Variants in RNF150 observed in about 807,000 individuals in gnomAD.
RNF150 encodes the protein ring finger protein 150.
Under a neutral mutation model 39.3 loss-of-function variants are expected in RNF150, and 24 were observed. The observed-to-expected ratio is 0.61, with a 90% CI of 0.44 to 0.86. RNF150 has a LOEUF of 0.86. Among genes scored for constraint, RNF150 ranks in the 40% least tolerant of loss-of-function variants. RNF150 has a pLI of 0.00. For synonymous variants in RNF150, 255 were observed against 227.3 expected, an observed-to-expected ratio of 1.12 and a Z score of -1.10; for missense variants, 502 against 587.8, an observed-to-expected ratio of 0.85 and a Z score of 1.51.
At chr4:141,173,653 G>A (rs957062052) in intron 1 of RNF150, among the ~76,000 whole-genome samples, 2 of 152,164 alleles carry the variant, frequency 1.3e-5, no homozygotes, top group Admixed American at 1.3e-4. Flanking sequence ...ATGGCCCCAG[G>A]AGAAGACTGA....
intron 1 of RNF150, among the ~76,000 whole-genome samples, chr4:141,199,916 A>G (rs1728264625): frequency 1.3e-5 from 2 of 152,242 alleles, no homozygotes; most frequent in African/African-American, 4.8e-5. Flanking sequence ...AATGCCCTCA[A>G]TATTTATAGT....
intron 1 of RNF150, among the ~76,000 whole-genome samples, chr4:141,065,292 C>CT (rs1351245961): frequency 6.6e-6 from 1 of 152,126 alleles, no homozygotes; most frequent in East Asian, 1.9e-4. Flanking sequence ...CACAAACATG[C>CT]TATCTGTGCG....
chr4:141,171,468 GA>G, intron 1 of RNF150, among the ~76,000 whole-genome samples: 1 of 139,820 alleles, frequency 7.2e-6, no homozygotes, highest in South Asian at 2.2e-4. Context: ...GAAAGAGAGA[GA>G]GAGAGAGAGA....
chr4:141,036,478 T>A (rs755992124), intron 1 of RNF150, among the ~76,000 whole-genome samples: 1 of 152,132 alleles, frequency 6.6e-6, no homozygotes, highest in Non-Finnish European at 1.5e-5. Flanking sequence ...GTGCAGTAGA[T>A]CTCGAACTTT....
At chr4:140,945,416 A>T (rs1732250101) in intron 4 of RNF150, among the ~76,000 whole-genome samples, 1 of 151,786 alleles carries the variant, frequency 6.6e-6, no homozygotes, top group African/African-American at 2.4e-5. Flanking sequence ...CTCAGCCAAA[A>T]ATGTTCCCAA....
In RNF150 at chr4:141,050,188, C is replaced by T. The variant is rs549963660; in HGVS notation, c.484+82137G>A. On this transcript the variant is annotated intron_variant, in intron 1 of 6. Transcript: ENST00000515673. ...GTTTGAAACAAAAATCAGTAGGGAG[C>T]TTGAAGAAATGAAACTGGTTGTGTG... is the stretch of plus-strand genomic sequence containing the variant. Among the ~76,000 whole-genome samples, 5 of 151,970 alleles carry T rather than the reference C, an allele frequency of 3.3e-5. No homozygotes were observed. The East Asian group carries it at 7.7e-4, about 23-fold the overall frequency.
rs1435291946 is a variant in RNF150 at position 141,051,271 on chromosome 4, G to GA, written c.484+81053dup. 5.3e-5 allele frequency among the ~76,000 whole-genome samples: 8 copies of GA among 152,288 alleles called. No individual in the cohort carries two copies. In the East Asian group the frequency reaches 1.3e-3, roughly 26 times the overall value. ...GGCCTGTGATGTGAGGGGCTGCCATGAAGACCTCTGACATGCCCTGGAGAC... is the reference window on the plus strand; with the variant it reads ...GGCCTGTGATGTGAGGGGCTGCCATGAAAGACCTCTGACATGCCCTGGAGAC... On this transcript the variant is annotated intron_variant, in intron 1 of 6. Transcript: ENST00000515673.
At chr4:140,877,315 GT>G (rs78038613) in intron 6 of RNF150, among the ~76,000 whole-genome samples, 21,449 of 151,562 alleles carry the variant, frequency 0.14, 1,804 homozygotes, top group East Asian at 0.38. Flanking sequence ...GTTGTCAACA[GT>G]TTTTTTTTAC....
At chr4:140,923,522 G>C in intron 5 of RNF150, among the ~76,000 whole-genome samples, 1 of 152,164 alleles carries the variant, frequency 6.6e-6, no homozygotes, top group Non-Finnish European at 1.5e-5. Context: ...CACTGTTGGT[G>C]GGACTGTAAA....
intron 1 of RNF150, among the ~76,000 whole-genome samples, chr4:141,077,111 A>G (rs1211988487): frequency 2.6e-5 from 4 of 152,180 alleles, no homozygotes. Flanking sequence ...AGAAGAAGTA[A>G]AAAAGGGGGA....
intron 1 of RNF150, among the ~76,000 whole-genome samples, chr4:140,987,580 TG>T (rs1257633086): frequency 6.6e-6 from 1 of 152,054 alleles, no homozygotes; most frequent in Non-Finnish European, 1.5e-5. Context: ...AGACTGAAAT[TG>T]GACCCTTCCC....
At chr4:140,879,442 C>G (rs1271130302) in intron 6 of RNF150, among the ~76,000 whole-genome samples, 6 of 152,118 alleles carry the variant, frequency 3.9e-5, no homozygotes, top group Non-Finnish European at 7.4e-5. Context: ...AGTCTTTCAC[C>G]TTGTTCATTA....
rs142629985 is a variant in RNF150 at position 140,981,296 on chromosome 4, C to G, written c.485-13423G>C. ...GCATATACATAATGAGACATCTTGG[C>G]GATAGAACCCAAGTATAAACTCAAA... On this transcript the variant is annotated intron_variant, in intron 1 of 6. Coordinates refer to ENST00000515673, the MANE Select transcript of RNF150 (RefSeq NM_020724.2). Among the ~76,000 whole-genome samples the G allele has an allele frequency of 2.0e-5, 3 of 151,972 alleles. No individual in the cohort carries two copies. In the East Asian group the frequency reaches 5.8e-4, roughly 29 times the overall value.
At chr4:140,899,944 T>TCTCTCTCTCTCTCTCTCTCTCTCTCTC (rs1730114654) in intron 6 of RNF150, among the ~76,000 whole-genome samples, 2 of 110,022 alleles carry the variant, frequency 1.8e-5, no homozygotes, top group African/African-American at 3.6e-5. Context: ...CTCTCTCACT[T>TCTCTCTCTCTCTCTCTCTCTCTCTCTC]TCTCTCTCTC....
At chr4:141,185,368 C>G (rs964445240) in intron 1 of RNF150, among the ~76,000 whole-genome samples, 1 of 152,050 alleles carries the variant, frequency 6.6e-6, no homozygotes, top group Admixed American at 6.6e-5. Flanking sequence ...GTGATTTTTG[C>G]ACATTGATTT....
chr4:141,105,775 G>A (rs780275868), intron 1 of RNF150, among the ~76,000 whole-genome samples: 1 of 152,108 alleles, frequency 6.6e-6, no homozygotes, highest in South Asian at 2.1e-4. Flanking sequence ...TTAAACATCA[G>A]TTTCTAGAAA....
At chr4:141,097,353 G>A (rs1196793226) in intron 1 of RNF150, among the ~76,000 whole-genome samples, 2 of 152,116 alleles carry the variant, frequency 1.3e-5, no homozygotes, top group Admixed American at 6.5e-5. Context: ...CATGCATTTT[G>A]CAAACTTTGC....
chr4:140,953,633 G>A (rs932787962), intron 2 of RNF150, among the ~76,000 whole-genome samples: 3 of 151,548 alleles, frequency 2.0e-5, no homozygotes, highest in Non-Finnish European at 4.4e-5. Context: ...ATCAGTATAT[G>A]CATGCTTATT....
intron 1 of RNF150, among the ~76,000 whole-genome samples, chr4:141,130,223 C>T (rs936658022): frequency 6.6e-6 from 1 of 152,182 alleles, no homozygotes; most frequent in African/African-American, 2.4e-5. Flanking sequence ...CAAGGGTTTA[C>T]CATGCTACCC....
Sources: gnomAD v4.1 joint callset for allele counts (sites outside exome capture counted in the v4.1 genomes callset) on GRCh38, gnomAD v4.1.1 for gene constraint, MANE v1.5 for transcripts, NCBI Gene and HGNC (gene_info 2026-07-23, HGNC 2026-07-21) for gene names.